The following SPATA17 variants were observed in gnomAD, a reference collection of about 807,000 sequenced individuals.
SPATA17 encodes spermatogenesis-associated protein 17.
A neutral mutation model predicts 62.2 loss-of-function variants in SPATA17; 53 were observed. The observed-to-expected ratio is 0.85, with a 90% CI of 0.68 to 1.07. SPATA17 has a LOEUF of 1.07. SPATA17 is among the 50% of genes least tolerant of loss of function. The pLI is 0.00. For synonymous variants in SPATA17, 146 were observed against 146.8 expected, an observed-to-expected ratio of 0.99 and a Z score of 0.04; for missense variants, 466 against 425.5, an observed-to-expected ratio of 1.10 and a Z score of -0.84.
chr1:217,664,392 C>A (rs1391101719), intron 3 of SPATA17, among the ~76,000 whole-genome samples: 1 of 147,628 alleles, frequency 6.8e-6, no homozygotes, highest in South Asian at 2.1e-4. Flanking sequence ...CAGGTTCAAG[C>A]AATTCTCCTG....
chr1:217,668,859 T>C (rs1055779306), intron 3 of SPATA17, among the ~76,000 whole-genome samples, 174 bp from the exon 4 acceptor site: 9 of 152,170 alleles, frequency 5.9e-5, no homozygotes, highest in Non-Finnish European at 1.3e-4. Context: ...TGGTTAAGCT[T>C]GCATTATGTA....
At chr1:217,864,035 A>G (rs1675951367) in intron 10 of SPATA17, among the ~76,000 whole-genome samples, 1 of 152,230 alleles carries the variant, frequency 6.6e-6, no homozygotes, top group Non-Finnish European at 1.5e-5. Context: ...AAATGCAGAT[A>G]CCAATGTCTA....
chr1:217,765,534 G>A (rs2052044113), intron 6 of SPATA17, among the ~76,000 whole-genome samples: 1 of 151,776 alleles, frequency 6.6e-6, no homozygotes, highest in Non-Finnish European at 1.5e-5. Flanking sequence ...ATGTGATAAA[G>A]TGTGTTGTTT....
At chr1:217,722,422 TAAAAA>T (rs1672153874) in intron 5 of SPATA17, among the ~76,000 whole-genome samples, 1 of 151,968 alleles carries the variant, frequency 6.6e-6, no homozygotes, top group South Asian at 2.1e-4. Context: ...ACTTTTTTGA[TAAAAA>T]TAATACAATA....
chr1:217,810,812 G>A (rs1237535753), intron 9 of SPATA17, among the ~76,000 whole-genome samples: 1 of 151,926 alleles, frequency 6.6e-6, no homozygotes, highest in African/African-American at 2.4e-5. Flanking sequence ...GTGCAAGGGG[G>A]AACTGCCAAA....
At chr1:217,748,215 A>G (rs573514191) in intron 6 of SPATA17, among the ~76,000 whole-genome samples, 2 of 150,434 alleles carry the variant, frequency 1.3e-5, no homozygotes, top group South Asian at 2.1e-4. Flanking sequence ...AGGCAGGAGA[A>G]TGGTGTGAAC....
Position 217,870,592 on chromosome 1 carries a change from T to C in SPATA17, c.*3573T>C, listed in dbSNP as rs911550232. The C allele has an allele frequency of 3.3e-5, 5 of 152,164 alleles. No homozygotes were observed. Among genetic ancestry groups the C allele is most frequent in the Admixed American group, 1.3e-4 (2 of 15,254 alleles). 9.4% of individuals were successfully genotyped at this position (152,164 alleles called of 1,614,324 possible). On this transcript the variant is annotated 3_prime_UTR_variant, in exon 11 of 11. Coordinates refer to ENST00000366933, the MANE Select transcript of SPATA17 (RefSeq NM_138796.4). Reference sequence around the variant, plus strand: ...TCTCAATATGAGCCACTTAAGAAAATTAATGAGACTTTATGTTTGACCAAA... The same window carrying C: ...TCTCAATATGAGCCACTTAAGAAAACTAATGAGACTTTATGTTTGACCAAA...
chr1:217,653,877 G>C (rs1419011776), intron 3 of SPATA17, among the ~76,000 whole-genome samples: 3 of 152,092 alleles, frequency 2.0e-5, no homozygotes, highest in African/African-American at 7.2e-5. Flanking sequence ...ATTGGCTACA[G>C]TATATATTCC....
intron 9 of SPATA17, among the ~76,000 whole-genome samples, chr1:217,804,167 T>C (rs775117622): frequency 4.6e-5 from 7 of 152,172 alleles, no homozygotes; most frequent in Non-Finnish European, 8.8e-5. Context: ...TACAAAGTCA[T>C]AGTAATCAAT....
In SPATA17 at chr1:217,770,236, G is replaced by A. The variant is rs74358739; in HGVS notation, c.520-4098G>A. 2.0e-4 allele frequency among the ~76,000 whole-genome samples: 31 copies of A among 152,192 alleles called. No individual in the cohort carries two copies. The East Asian group carries it at 6.0e-3, about 29-fold the overall frequency. On this transcript the variant is annotated intron_variant, in intron 6 of 10. Transcript: ENST00000366933. ...CTTTAAGAACTGTTTCTCTCTCGTG[G>A]TATTCAGAAATTTTTAATCAAGAGG... is the stretch of plus-strand genomic sequence containing the variant.
chr1:217,643,333 A>G (rs988790346), intron 1 of SPATA17, among the ~76,000 whole-genome samples: 16 of 152,050 alleles, frequency 1.1e-4, no homozygotes, highest in Non-Finnish European at 2.4e-4. Context: ...ATGCTGAACC[A>G]TCGCCTCCCC....
At chr1:217,719,202 T>C (rs1672070819) in intron 5 of SPATA17, among the ~76,000 whole-genome samples, 1 of 152,220 alleles carries the variant, frequency 6.6e-6, no homozygotes, top group Non-Finnish European at 1.5e-5. Context: ...ACATGGAATA[T>C]TCTGTTTGTC....
At chr1:217,698,166 C>T (rs1671504895) in intron 5 of SPATA17, among the ~76,000 whole-genome samples, 1 of 151,938 alleles carries the variant, frequency 6.6e-6, no homozygotes, top group African/African-American at 2.4e-5. Context: ...AGGCTGGGCA[C>T]AGTGGCTCAC....
intron 9 of SPATA17, among the ~76,000 whole-genome samples, chr1:217,860,311 G>T (rs752464063): frequency 6.6e-6 from 1 of 152,076 alleles, no homozygotes; most frequent in African/African-American, 2.4e-5. Flanking sequence ...TGTGTTTTAT[G>T]GCCCAAGATG....
At chr1:217,839,237 C>G (rs1348805862) in intron 9 of SPATA17, among the ~76,000 whole-genome samples, 1 of 152,078 alleles carries the variant, frequency 6.6e-6, no homozygotes, top group Admixed American at 6.6e-5. Context: ...TTAACAGAGA[C>G]TAGAGAAGCC....
intron 9 of SPATA17, among the ~76,000 whole-genome samples, chr1:217,822,971 C>G (rs1480317191): frequency 6.6e-6 from 1 of 151,802 alleles, no homozygotes; most frequent in African/African-American, 2.4e-5. Context: ...TCCATCAACT[C>G]TCATGCATAA....
chr1:217,780,696 C>A (rs1398173963), intron 7 of SPATA17, among the ~76,000 whole-genome samples: 1 of 152,006 alleles, frequency 6.6e-6, no homozygotes, highest in African/African-American at 2.4e-5. Context: ...CTTTTAAAAA[C>A]TCTTCTTGAA....
At chr1:217,704,893 G>A (rs1043712719) in intron 5 of SPATA17, among the ~76,000 whole-genome samples, 1 of 152,056 alleles carries the variant, frequency 6.6e-6, no homozygotes, top group African/African-American at 2.4e-5. Context: ...ATGGCAGAAT[G>A]GTTTGTATTC....
At chr1:217,841,890 T>C (rs1019166298) in intron 9 of SPATA17, among the ~76,000 whole-genome samples, 12 of 151,296 alleles carry the variant, frequency 7.9e-5, no homozygotes, top group Non-Finnish European at 1.5e-4. Context: ...ATATGTATAT[T>C]ATAAACTCAC....
Sources: gnomAD v4.1 joint callset for allele counts (sites outside exome capture counted in the v4.1 genomes callset) on GRCh38, gnomAD v4.1.1 for gene constraint, MANE v1.5 for transcripts, NCBI Gene and HGNC (gene_info 2026-07-23, HGNC 2026-07-21) for gene names.